SLC24A3: variants seen among roughly 807,000 people sequenced by gnomAD.
SLC24A3 encodes sodium/potassium/calcium exchanger 3.
A neutral mutation model predicts 75.8 loss-of-function variants in SLC24A3; 28 were observed. The ratio of observed to expected loss-of-function variants is 0.37; its 90% CI spans 0.27 to 0.51. The LOEUF is 0.51. Ranked by LOEUF, SLC24A3 falls within the 20% of genes least tolerant of loss-of-function variation. SLC24A3 has a pLI of 0.94. For missense variants in SLC24A3, 663 were observed against 847.8 expected (o/e 0.78, Z 2.71); for synonymous variants, 372 against 334.1 (o/e 1.11, Z -1.24).
chr20:19,446,897 C>T (rs1987396985), intron 2 of SLC24A3, among the ~76,000 whole-genome samples: 1 of 152,220 alleles, frequency 6.6e-6, no homozygotes, highest in East Asian at 1.9e-4. Context: ...GATTATCCCA[C>T]TTTGTGTCAT....
At chr20:19,346,054 T>G (rs1985389718) in intron 2 of SLC24A3, among the ~76,000 whole-genome samples, 1 of 75,418 alleles carries the variant, frequency 1.3e-5, no homozygotes, top group Non-Finnish European at 2.4e-5. Flanking sequence ...AATCAATGAA[T>G]AAAGAAAACT....
Position 19,693,242 on chromosome 20 carries a change from C to G in SLC24A3, c.1325-17C>G. 3.1e-6 allele frequency: 5 copies of G among 1,589,580 alleles called. No individual in the cohort carries two copies. The highest frequency in any genetic ancestry group is 1.8e-4 in the Middle Eastern group (1 of 5,686). On this transcript the variant is annotated splice_polypyrimidine_tract_variant and intron_variant, in intron 12 of 16. Transcript: ENST00000328041. ...TATTTTTTTTTTATTTCTTTTTGGC[C>G]TTTTTCATTTTTCCAGCGGGTAAAC...
At chr20:19,500,345 C>T (rs1026450921) in intron 2 of SLC24A3, among the ~76,000 whole-genome samples, 4 of 152,158 alleles carry the variant, frequency 2.6e-5, no homozygotes, top group African/African-American at 9.7e-5. Flanking sequence ...TCAGGATCCC[C>T]ATGGGATTTG....
At chr20:19,364,702 G>C (rs1164991363) in intron 2 of SLC24A3, among the ~76,000 whole-genome samples, 1 of 152,094 alleles carries the variant, frequency 6.6e-6, no homozygotes, top group Non-Finnish European at 1.5e-5. Flanking sequence ...CTATCCTCCT[G>C]CCTTGGTCTC....
In SLC24A3 at chr20:19,571,092, C is replaced by CCCA. The variant is rs2031044606; in HGVS notation, c.349-8907_349-8906insCAC. On this transcript the variant is annotated intron_variant, in intron 3 of 16. Transcript: ENST00000328041. ...GTCAGGATTTGAACCCAGTGGGTCA[C>CCCA]CTGGGTTCAAATCCTGCCTCTATCA... 4.6e-5 allele frequency among the ~76,000 whole-genome samples: 7 copies of CCCA among 152,060 alleles called. 1 individual carries two copies. The South Asian group carries it at 1.5e-3, about 32-fold the overall frequency.
chr20:19,238,804 T>C (rs1029292692), intron 1 of SLC24A3, among the ~76,000 whole-genome samples: 1 of 152,182 alleles, frequency 6.6e-6, no homozygotes, highest in African/African-American at 2.4e-5. Flanking sequence ...ACACACCTCC[T>C]GCCCTCTGGA....
intron 1 of SLC24A3, among the ~76,000 whole-genome samples, chr20:19,243,098 T>A (rs1200668823): frequency 6.6e-6 from 1 of 152,226 alleles, no homozygotes; most frequent in East Asian, 1.9e-4. Flanking sequence ...GTTTTTATGA[T>A]ATTAAATTTT....
At position 19,303,528 on chromosome 20, in the gene SLC24A3, A is replaced by G. The variant is rs568397609; in HGVS notation, c.271+22441A>G. Reference sequence around the variant, plus strand: ...TTATGTTCCTTTGGGTGTATACCCAATAATGGGATCGCTGGATCAAATGGT... The same window carrying G: ...TTATGTTCCTTTGGGTGTATACCCAGTAATGGGATCGCTGGATCAAATGGT... On this transcript the variant is annotated intron_variant, in intron 2 of 16. Coordinates refer to ENST00000328041, the MANE Select transcript of SLC24A3 (RefSeq NM_020689.4). Among the ~76,000 whole-genome samples, 16 of 152,352 alleles carry G rather than the reference A, an allele frequency of 1.1e-4. No individual in the cohort carries two copies. In the South Asian group the frequency reaches 3.3e-3, roughly 32 times the overall value.
chr20:19,474,730 G>C (rs370220897), intron 2 of SLC24A3, among the ~76,000 whole-genome samples: 2 of 152,102 alleles, frequency 1.3e-5, no homozygotes, highest in African/African-American at 4.8e-5. Context: ...TTTTTTGTGT[G>C]TGTGGTAAGA....
chr20:19,269,464 G>C (rs1294331795), intron 1 of SLC24A3, among the ~76,000 whole-genome samples: 1 of 152,224 alleles, frequency 6.6e-6, no homozygotes, highest in East Asian at 1.9e-4. Context: ...ATAACAAGTA[G>C]CATTTAACTG....
At chr20:19,342,847 G>A (rs1259717342) in intron 2 of SLC24A3, among the ~76,000 whole-genome samples, 6 of 151,970 alleles carry the variant, frequency 3.9e-5, no homozygotes, top group Non-Finnish European at 7.4e-5. Context: ...GAGGCAGGAG[G>A]ATCACGAGGT....
intron 2 of SLC24A3, among the ~76,000 whole-genome samples, chr20:19,377,089 G>T (rs1986096318): frequency 3.3e-5 from 5 of 152,190 alleles, no homozygotes. Context: ...GTGAAGCAGA[G>T]ATTATTTATT....
At chr20:19,261,679 A>G (rs999821433) in intron 1 of SLC24A3, 2 of 152,218 alleles carry the variant, frequency 1.3e-5, no homozygotes, top group Non-Finnish European at 2.9e-5. Flanking sequence ...ATCTGTGTCC[A>G]AGCTTGCTCA....
chr20:19,616,635 A>G (rs1029396882), intron 6 of SLC24A3, among the ~76,000 whole-genome samples: 2 of 152,112 alleles, frequency 1.3e-5, no homozygotes, highest in African/African-American at 4.8e-5. Flanking sequence ...CATGGTCAAA[A>G]TCACCCCCAA....
chr20:19,492,110 C>T (rs562163865), intron 2 of SLC24A3, among the ~76,000 whole-genome samples: 7 of 152,226 alleles, frequency 4.6e-5, no homozygotes, highest in Non-Finnish European at 7.4e-5. Flanking sequence ...GCACTAGATC[C>T]GAAAGTTATC....
intron 2 of SLC24A3, among the ~76,000 whole-genome samples, chr20:19,303,041 A>G (rs1984232855): frequency 6.6e-6 from 1 of 151,554 alleles, no homozygotes; most frequent in African/African-American, 2.4e-5. Context: ...TCAGTGGTGC[A>G]TGTGTGAGTT....
At chr20:19,566,826 A>G (rs1415040294) in intron 3 of SLC24A3, among the ~76,000 whole-genome samples, 2 of 152,174 alleles carry the variant, frequency 1.3e-5, no homozygotes, top group Non-Finnish European at 2.9e-5. Flanking sequence ...CTTCAGGAGG[A>G]TGGCAGTGAG....
chr20:19,432,623 T>TG (rs1444919964), intron 2 of SLC24A3, among the ~76,000 whole-genome samples: 2 of 152,166 alleles, frequency 1.3e-5, no homozygotes, highest in African/African-American at 4.8e-5. Context: ...GTCAGAAGCT[T>TG]GGGGTCTCTC....
chr20:19,713,471 G>A (rs1049844040), intron 15 of SLC24A3, among the ~76,000 whole-genome samples: 2 of 152,128 alleles, frequency 1.3e-5, no homozygotes, highest in South Asian at 2.1e-4. Flanking sequence ...ACCAGTCCCT[G>A]CTGCCCCACA....
Sources: allele counts gnomAD v4.1 joint callset (sites outside exome capture counted in the v4.1 genomes callset), GRCh38; gene constraint gnomAD v4.1.1; transcripts MANE v1.5; gene names NCBI Gene and HGNC (gene_info 2026-07-23, HGNC 2026-07-21).